SHISA9: variants seen among roughly 807,000 people sequenced by gnomAD.
The protein encoded by SHISA9 is shisa family member 9, also known as protein shisa-9.
SHISA9 carries 13 observed loss-of-function variants against 38.0 expected under a neutral mutation model. The ratio of observed to expected loss-of-function variants is 0.34; its 90% CI spans 0.22 to 0.54. SHISA9 has a LOEUF of 0.54. Among genes scored for constraint, SHISA9 ranks in the 20% least tolerant of loss-of-function variants. The pLI is 0.91. For synonymous variants in SHISA9, 275 were observed against 242.0 expected, an observed-to-expected ratio of 1.14 and a Z score of -1.27; for missense variants, 538 against 575.8, an observed-to-expected ratio of 0.93 and a Z score of 0.67.
chr16:13,071,204 T>TA (rs1432842444), intron 2 of SHISA9, among the ~76,000 whole-genome samples: 1 of 152,030 alleles, frequency 6.6e-6, no homozygotes, highest in Non-Finnish European at 1.5e-5. Flanking sequence ...TTTTACAATT[T>TA]AAAAAAAAGG....
the SHISA9 span, among the ~76,000 whole-genome samples, chr16:13,552,618 G>A: frequency 6.6e-6 from 1 of 152,170 alleles, no homozygotes; most frequent in African/African-American, 2.4e-5. Flanking sequence ...CAACTTGCTC[G>A]AGGTCACAAC....
chr16:13,259,995 TTTTC>T, the SHISA9 span, among the ~76,000 whole-genome samples: 46 of 142,284 alleles, frequency 3.2e-4, 1 homozygote, highest in African/African-American at 1.1e-3. Context: ...TGGATTTTTC[TTTTC>T]TTTCTTTCTT....
intron 2 of SHISA9, among the ~76,000 whole-genome samples, chr16:13,092,578 C>T (rs532074349): frequency 3.3e-4 from 50 of 152,350 alleles, no homozygotes; most frequent in African/African-American, 9.9e-4. Context: ...CGATCTCAGA[C>T]GGCTGCGCTA....
At chr16:13,218,092 T>C (rs1212634196) in intron 4 of SHISA9, among the ~76,000 whole-genome samples, 3 of 151,800 alleles carry the variant, frequency 2.0e-5, no homozygotes, top group East Asian at 3.9e-4. Flanking sequence ...AGGAAAGACA[T>C]TTCACCTAGC....
chr16:13,251,522 A>G, the SHISA9 span, among the ~76,000 whole-genome samples: 3 of 152,086 alleles, frequency 2.0e-5, no homozygotes, highest in Non-Finnish European at 4.4e-5. Context: ...GGAGAGGGGT[A>G]TTGGAGATTA....
chr16:13,325,389 G>A, the SHISA9 span, among the ~76,000 whole-genome samples: 1 of 152,186 alleles, frequency 6.6e-6, no homozygotes, highest in Non-Finnish European at 1.5e-5. Context: ...TCCAAAGGGA[G>A]GAAGGTATTA....
At chr16:13,385,443 A>G in the SHISA9 span, among the ~76,000 whole-genome samples, 2 of 151,878 alleles carry the variant, frequency 1.3e-5, no homozygotes, top group Non-Finnish European at 2.9e-5. Context: ...TATCCATACC[A>G]TGAAATAGTA....
At chr16:13,253,008 TGAG>T in the SHISA9 span, among the ~76,000 whole-genome samples, 1 of 152,186 alleles carries the variant, frequency 6.6e-6, no homozygotes, top group Non-Finnish European at 1.5e-5. Context: ...ATGAAGACGA[TGAG>T]GATGAAGACC....
In SHISA9 at chr16:13,180,445, C is replaced by G. The variant is rs192737431; in HGVS notation, c.692-22949C>G. Among the ~76,000 whole-genome samples the G allele has an allele frequency of 1.6e-3, 248 of 152,332 alleles. 2 individuals are homozygous for G. Among genetic ancestry groups the G allele is most frequent in the African/African-American group, 5.7e-3 (235 of 41,576 alleles). The stretch of plus-strand genomic sequence containing the variant: ...CAGGCACCGTGGCTCACACCGCAAT[C>G]CCAGCACTTTGGGAGGCCAAGGTGG... On this transcript the variant is annotated intron_variant, in intron 2 of 4. Transcript: ENST00000558583.
chr16:13,040,387 TG>T (rs1423764216), intron 2 of SHISA9, among the ~76,000 whole-genome samples: 1 of 152,232 alleles, frequency 6.6e-6, no homozygotes, highest in African/African-American at 2.4e-5. Context: ...TGCCCTCTGA[TG>T]TTTGCATGAC....
At chr16:13,426,455 C>T in the SHISA9 span, among the ~76,000 whole-genome samples, 1 of 152,126 alleles carries the variant, frequency 6.6e-6, no homozygotes, top group Non-Finnish European at 1.5e-5. Flanking sequence ...GGAGATAGAG[C>T]CCCCACTGGG....
At chr16:13,412,352 G>A in the SHISA9 span, among the ~76,000 whole-genome samples, 1 of 152,276 alleles carries the variant, frequency 6.6e-6, no homozygotes, top group East Asian at 1.9e-4. Context: ...GTTAGAGACA[G>A]AGGAAGGAAT....
intron 2 of SHISA9, among the ~76,000 whole-genome samples, chr16:13,038,698 C>G (rs1452933530): frequency 1.3e-5 from 2 of 152,172 alleles, no homozygotes; most frequent in Non-Finnish European, 2.9e-5. Context: ...AACACACATA[C>G]CAACCATACA....
At chr16:13,135,370 G>A (rs569703311) in intron 2 of SHISA9, among the ~76,000 whole-genome samples, 26 of 152,352 alleles carry the variant, frequency 1.7e-4, no homozygotes, top group African/African-American at 4.6e-4. Context: ...GTGATCAGCA[G>A]ATAGCCTGCA....
Position 13,234,541 on chromosome 16 carries a change from G to A in SHISA9, c.896-489G>A, listed in dbSNP as rs185166207. On this transcript the variant is annotated intron_variant, in intron 4 of 4. Transcript: ENST00000558583. ...CAAAAACAAAAGCAAACAAACCAGC[G>A]GAGAAAAATCCCAAATTAAACTCTG... Among the ~76,000 whole-genome samples, 689 of 152,228 alleles carry A rather than the reference G, an allele frequency of 4.5e-3. 4 individuals are homozygous for A. Among genetic ancestry groups the A allele is most frequent in the African/African-American group, 0.016 (657 of 41,550 alleles).
At chr16:13,330,001 C>T in the SHISA9 span, among the ~76,000 whole-genome samples, 7 of 152,210 alleles carry the variant, frequency 4.6e-5, no homozygotes, top group African/African-American at 9.6e-5. Flanking sequence ...TCTGCCTCCC[C>T]GACCGATTGT....
chr16:13,023,927 G>T (rs538289324), intron 2 of SHISA9, among the ~76,000 whole-genome samples: 3 of 152,200 alleles, frequency 2.0e-5, no homozygotes, highest in Admixed American at 6.5e-5. Context: ...AAAACACAAA[G>T]ATGGGAAGGG....
the SHISA9 span, among the ~76,000 whole-genome samples, chr16:13,384,712 C>A: frequency 6.6e-6 from 1 of 152,180 alleles, no homozygotes; most frequent in Non-Finnish European, 1.5e-5. Flanking sequence ...TCAATTCCAA[C>A]CTTTTCCCAA....
At chr16:13,123,545 T>C (rs932202615) in intron 2 of SHISA9, among the ~76,000 whole-genome samples, 1 of 152,226 alleles carries the variant, frequency 6.6e-6, no homozygotes, top group Non-Finnish European at 1.5e-5. Flanking sequence ...CTATACTGAA[T>C]GGCACAGATA....
Sources: allele counts gnomAD v4.1 joint callset (sites outside exome capture counted in the v4.1 genomes callset), GRCh38; gene constraint gnomAD v4.1.1; transcripts MANE v1.5; gene names NCBI Gene and HGNC (gene_info 2026-07-23, HGNC 2026-07-21).